The following C12orf75 variants were observed in gnomAD, a reference collection of about 807,000 sequenced individuals.
C12orf75 encodes the protein overexpressed in colon carcinoma 1 protein.
In C12orf75, 4 loss-of-function variants were observed where a neutral mutation model predicts 11.4. The observed-to-expected ratio is 0.35, with a 90% CI of 0.17 to 0.80. The LOEUF is 0.80. Ranked by LOEUF, C12orf75 falls within the 30% of genes least tolerant of loss-of-function variation. The probability of loss-of-function intolerance (pLI) is 0.52; values close to 1 mark genes in which losing one functional copy is unlikely to be tolerated. For synonymous variants in C12orf75, 30 were observed against 30.0 expected (o/e 1.00, Z 0.00); for missense variants, 89 against 80.4 (o/e 1.11, Z -0.41).
Position 105,354,655 on chromosome 12 carries a change from C to G in C12orf75, c.71+6029C>G, listed in dbSNP as rs374453214. 2.0e-5 allele frequency among the ~76,000 whole-genome samples: 3 copies of G among 152,078 alleles called. No individual in the cohort carries two copies. In the East Asian group the frequency reaches 5.8e-4, roughly 29 times the overall value. On this transcript the variant is annotated intron_variant, in intron 2 of 5. Coordinates refer to ENST00000443585, the MANE Select transcript of C12orf75 (RefSeq NM_001145199.2). ...GACATGAATACTTGATGGCAGAAGA[C>G]CCAGCATATTGAGGGCCTTGCTGTG...
chr12:105,342,862 A>G (rs1892591570), intron 1 of C12orf75, among the ~76,000 whole-genome samples: 1 of 152,200 alleles, frequency 6.6e-6, no homozygotes. Flanking sequence ...AGTTTTTTGA[A>G]TGTTTGAATA....
intron 1 of C12orf75, among the ~76,000 whole-genome samples, chr12:105,332,507 G>A (rs1162139398): frequency 1.3e-5 from 2 of 152,036 alleles, no homozygotes; most frequent in Non-Finnish European, 2.9e-5. Flanking sequence ...TGGGGTGGGT[G>A]GATCATCTGA....
intron 2 of C12orf75, 37 bp from the exon 3 acceptor site, chr12:105,365,770 A>G (rs1165062975): frequency 2.2e-5 from 33 of 1,489,066 alleles, no homozygotes; most frequent in Non-Finnish European, 2.8e-5. Context: ...CGACTATGTA[A>G]CCAAGTGTCT....
At chr12:105,358,468 C>T (rs1197018483) in intron 2 of C12orf75, among the ~76,000 whole-genome samples, 1 of 152,162 alleles carries the variant, frequency 6.6e-6, no homozygotes, top group African/African-American at 2.4e-5. Flanking sequence ...CTACAGTGAG[C>T]TATGATTGTG....
At chr12:105,369,572 A>G (rs1871572568) in intron 5 of C12orf75, among the ~76,000 whole-genome samples, 1 of 152,146 alleles carries the variant, frequency 6.6e-6, no homozygotes, top group African/African-American at 2.4e-5. Context: ...TAAGCCGCAC[A>G]TGTATTAGGT....
At chr12:105,357,608 A>G (rs1566140751) in intron 2 of C12orf75, among the ~76,000 whole-genome samples, 1 of 152,186 alleles carries the variant, frequency 6.6e-6, no homozygotes, top group African/African-American at 2.4e-5. Context: ...AGTCTGACTC[A>G]GAGCCCTGTA....
At chr12:105,333,308 AAAAT>A (rs948223349) in intron 1 of C12orf75, among the ~76,000 whole-genome samples, 5 of 152,244 alleles carry the variant, frequency 3.3e-5, no homozygotes, top group African/African-American at 1.2e-4. Context: ...GATGTAAAGA[AAAAT>A]AAACCACAAT....
chr12:105,346,685 C>T (rs963424216), intron 1 of C12orf75, among the ~76,000 whole-genome samples: 1 of 152,140 alleles, frequency 6.6e-6, no homozygotes, highest in Non-Finnish European at 1.5e-5. Flanking sequence ...TAAAAGAATT[C>T]GTTTGAGACA....
At chr12:105,344,458 C>T (rs1892610829) in intron 1 of C12orf75, among the ~76,000 whole-genome samples, 1 of 152,146 alleles carries the variant, frequency 6.6e-6, no homozygotes, top group Non-Finnish European at 1.5e-5. Context: ...ATGTTGAGGA[C>T]TCGGCCGGGT....
intron 1 of C12orf75, among the ~76,000 whole-genome samples, chr12:105,331,728 C>T (rs1042444116): frequency 2.6e-5 from 4 of 152,164 alleles, no homozygotes; most frequent in Non-Finnish European, 5.9e-5. Flanking sequence ...TGCCAAAACT[C>T]ACCCTTCTAT....
chr12:105,336,517 A>G (rs950647726), intron 1 of C12orf75, among the ~76,000 whole-genome samples: 3 of 152,236 alleles, frequency 2.0e-5, no homozygotes, highest in African/African-American at 7.2e-5. Context: ...GTATAGGGAA[A>G]GACACAGCTG....
At chr12:105,332,830 GA>G (rs35366132) in intron 1 of C12orf75, among the ~76,000 whole-genome samples, 27,448 of 150,502 alleles carry the variant, frequency 0.18, 2,849 homozygotes, top group Non-Finnish European at 0.24. Flanking sequence ...AATTTGGGGG[GA>G]AAATATGATT....
intron 1 of C12orf75, among the ~76,000 whole-genome samples, chr12:105,341,868 G>A (rs145147572): frequency 1.4e-3 from 219 of 152,294 alleles, no homozygotes; most frequent in South Asian, 4.6e-3. Context: ...TACTGTTGTC[G>A]TGGTAGTGAA....
intron 1 of C12orf75, among the ~76,000 whole-genome samples, chr12:105,342,396 A>G (rs1383404466): frequency 6.6e-6 from 1 of 152,196 alleles, no homozygotes; most frequent in East Asian, 1.9e-4. Context: ...GCCTTCCCAC[A>G]TGGGATGAAG....
intron 1 of C12orf75, among the ~76,000 whole-genome samples, chr12:105,332,780 G>A (rs1892450674): frequency 6.6e-6 from 1 of 151,526 alleles, no homozygotes; most frequent in South Asian, 2.1e-4. Context: ...AAGATGGTAA[G>A]GTATGATGAG....
At chr12:105,344,911 AT>A (rs747678351) in intron 1 of C12orf75, among the ~76,000 whole-genome samples, 4 of 152,164 alleles carry the variant, frequency 2.6e-5, no homozygotes, top group Non-Finnish European at 5.9e-5. Context: ...AAATAAAAAA[AT>A]AAAAGCTAAA....
At chr12:105,334,838 A>G (rs1892481025) in intron 1 of C12orf75, among the ~76,000 whole-genome samples, 1 of 152,242 alleles carries the variant, frequency 6.6e-6, no homozygotes, top group Admixed American at 6.5e-5. Context: ...CCTTTTATAT[A>G]GTCACATTCA....
At chr12:105,362,438 C>T (rs11112491) in intron 2 of C12orf75, among the ~76,000 whole-genome samples, 37,892 of 138,376 alleles carry the variant, frequency 0.27, 7,268 homozygotes, top group East Asian at 0.67. Context: ...GAGGCTGAGG[C>T]GGGTGGATCA....
intron 1 of C12orf75, among the ~76,000 whole-genome samples, chr12:105,332,152 C>T (rs1274879950): frequency 6.6e-6 from 1 of 152,212 alleles, no homozygotes; most frequent in African/African-American, 2.4e-5. Flanking sequence ...TTCAAACCTG[C>T]CTGTGGCCAG....
Sources: gnomAD v4.1 joint callset for allele counts (sites outside exome capture counted in the v4.1 genomes callset) on GRCh38, gnomAD v4.1.1 for gene constraint, MANE v1.5 for transcripts, NCBI Gene and HGNC (gene_info 2026-07-23, HGNC 2026-07-21) for gene names.